Variants in LRRTM4 observed in about 807,000 individuals in gnomAD.
LRRTM4 encodes leucine rich repeat transmembrane neuronal 4, also known as leucine-rich repeat transmembrane neuronal protein 4.
LRRTM4 carries 25 observed loss-of-function variants against 47.6 expected under a neutral mutation model. That is an observed-to-expected ratio of 0.53 (90% confidence interval 0.38 to 0.73). The LOEUF is 0.73. Ranked by LOEUF, LRRTM4 falls within the 30% of genes least tolerant of loss-of-function variation. The pLI, the probability that LRRTM4 is intolerant of heterozygous loss-of-function variation, is 0.00. For missense variants in LRRTM4, 638 were observed against 713.4 expected, an observed-to-expected ratio of 0.89 and a Z score of 1.20; for synonymous variants, 311 against 269.5, an observed-to-expected ratio of 1.15 and a Z score of -1.51.
intron 3 of LRRTM4, among the ~76,000 whole-genome samples, chr2:77,348,788 C>CAA (rs894559241): frequency 1.2e-5 from 1 of 82,250 alleles, no homozygotes; most frequent in South Asian, 4.1e-4. Context: ...AACATTAATA[C>CAA]AAAATATATA....
intron 3 of LRRTM4, among the ~76,000 whole-genome samples, chr2:76,938,269 A>C (rs1488615922): frequency 6.6e-6 from 1 of 152,170 alleles, no homozygotes; most frequent in Non-Finnish European, 1.5e-5. Flanking sequence ...AAAATGCATC[A>C]TTTGGTCCTA....
intron 3 of LRRTM4, among the ~76,000 whole-genome samples, chr2:77,334,528 T>C (rs1036080730): frequency 6.6e-5 from 10 of 152,314 alleles, no homozygotes; most frequent in African/African-American, 2.4e-4. Context: ...GCTCTCTCTT[T>C]GCCTGCTGCC....
chr2:77,085,727 T>C (rs868105423), intron 3 of LRRTM4, among the ~76,000 whole-genome samples: 3 of 152,214 alleles, frequency 2.0e-5, no homozygotes, highest in Admixed American at 6.5e-5. Context: ...TGGTGTCATA[T>C]TCTATGTCTC....
At chr2:76,809,956 C>A (rs1384468343) in intron 3 of LRRTM4, among the ~76,000 whole-genome samples, 1 of 152,154 alleles carries the variant, frequency 6.6e-6, no homozygotes, top group Non-Finnish European at 1.5e-5. Context: ...CCTGCCCTGA[C>A]CAACCTATAA....
intron 3 of LRRTM4, among the ~76,000 whole-genome samples, chr2:76,868,768 AC>A (rs775085168): frequency 2.0e-5 from 3 of 152,148 alleles, no homozygotes; most frequent in Non-Finnish European, 4.4e-5. Context: ...ACTGAGTCAG[AC>A]CCAGATGAAA....
chr2:77,231,877 C>T (rs979315172), intron 3 of LRRTM4, among the ~76,000 whole-genome samples: 1 of 152,090 alleles, frequency 6.6e-6, no homozygotes, highest in Non-Finnish European at 1.5e-5. Flanking sequence ...TTAGATCCAC[C>T]CAGGATGAAA....
Position 77,296,022 on chromosome 2 carries a change from G to A in LRRTM4, c.1551+222296C>T, listed in dbSNP as rs188354356. Among the ~76,000 whole-genome samples the A allele has an allele frequency of 3.8e-3, 571 of 152,142 alleles. 4 individuals carry two copies. Among genetic ancestry groups the A allele is most frequent in the African/African-American group, 0.013 (529 of 41,502 alleles). The stretch of plus-strand genomic sequence containing the variant: ...CTCTTATTGTTTTACAAATTCTACA[G>A]CAAATATCTGAGTAGTTAATTCTTC... On this transcript the variant is annotated intron_variant, in intron 3 of 3. Coordinates refer to ENST00000409884, the MANE Select transcript of LRRTM4 (RefSeq NM_001134745.3).
At chr2:77,142,266 A>T (rs1672144220) in intron 3 of LRRTM4, among the ~76,000 whole-genome samples, 2 of 152,188 alleles carry the variant, frequency 1.3e-5, no homozygotes, top group South Asian at 4.1e-4. Context: ...AAGATTTTGG[A>T]AGATTTTTTA....
intron 3 of LRRTM4, among the ~76,000 whole-genome samples, chr2:76,836,383 C>A (rs2103914728): frequency 6.6e-6 from 1 of 151,942 alleles, no homozygotes; most frequent in East Asian, 1.9e-4. Flanking sequence ...TATCTTTCTT[C>A]TTTCTTGTTT....
At chr2:77,279,784 T>C (rs1041826892) in intron 3 of LRRTM4, among the ~76,000 whole-genome samples, 2 of 151,948 alleles carry the variant, frequency 1.3e-5, no homozygotes, top group African/African-American at 4.8e-5. Flanking sequence ...ATGAAGTTGG[T>C]TGAATATTAT....
chr2:77,453,244 C>T (rs1275925777), intron 3 of LRRTM4, among the ~76,000 whole-genome samples: 8 of 136,268 alleles, frequency 5.9e-5, no homozygotes, highest in East Asian at 4.3e-4. Context: ...TGCAGTGGAG[C>T]GATCTCTGTT....
chr2:77,339,803 G>A (rs1425487390), intron 3 of LRRTM4, among the ~76,000 whole-genome samples: 1 of 151,866 alleles, frequency 6.6e-6, no homozygotes, highest in Non-Finnish European at 1.5e-5. Flanking sequence ...GGGGAAAAAG[G>A]GGCTCACTCT....
rs973798429 is a variant in LRRTM4 at position 76,916,678 on chromosome 2, C to G, written c.1552-167762G>C. Among the ~76,000 whole-genome samples the G allele has an allele frequency of 3.9e-5, 6 of 152,124 alleles. No individual in the cohort carries two copies. In the East Asian group the frequency reaches 1.2e-3, roughly 29 times the overall value. On this transcript the variant is annotated intron_variant, in intron 3 of 3. Coordinates refer to ENST00000409884, the MANE Select transcript of LRRTM4 (RefSeq NM_001134745.3). ...ACAAACCAATGCAAGTTAAAAGTGA[C>G]TGTGTCCTTACTAATTTCAAAGCCA...
At chr2:77,400,087 C>T (rs1160506409) in intron 3 of LRRTM4, among the ~76,000 whole-genome samples, 3 of 151,810 alleles carry the variant, frequency 2.0e-5, no homozygotes, top group Non-Finnish European at 4.4e-5. Context: ...TCTCTGGAAA[C>T]CACTATTCTA....
At chr2:77,471,652 G>A (rs1327461836) in intron 3 of LRRTM4, among the ~76,000 whole-genome samples, 1 of 152,074 alleles carries the variant, frequency 6.6e-6, no homozygotes, top group African/African-American at 2.4e-5. Flanking sequence ...TGCCCTTGAT[G>A]TTCTTTGCCT....
chr2:77,241,775 C>A (rs894109343), intron 3 of LRRTM4, among the ~76,000 whole-genome samples: 7 of 152,060 alleles, frequency 4.6e-5, no homozygotes, highest in African/African-American at 1.7e-4. Flanking sequence ...CCTATATTTT[C>A]TTCTAAGACT....
At chr2:77,344,053 A>C (rs989394099) in intron 3 of LRRTM4, among the ~76,000 whole-genome samples, 1 of 151,908 alleles carries the variant, frequency 6.6e-6, no homozygotes, top group Non-Finnish European at 1.5e-5. Context: ...AAAAGCTGTG[A>C]AATTCTGGCC....
At chr2:77,003,003 T>G (rs188849588) in intron 3 of LRRTM4, among the ~76,000 whole-genome samples, 1 of 145,530 alleles carries the variant, frequency 6.9e-6, no homozygotes, top group East Asian at 2.0e-4. Flanking sequence ...TCAACAGTGG[T>G]AACTTCAGTT....
intron 3 of LRRTM4, among the ~76,000 whole-genome samples, chr2:76,876,059 A>C (rs1359215468): frequency 6.6e-6 from 1 of 152,134 alleles, no homozygotes; most frequent in South Asian, 2.1e-4. Flanking sequence ...GTCTCCAAGG[A>C]ATCTGCTCTC....
Sources: gnomAD v4.1 joint callset for allele counts (sites outside exome capture counted in the v4.1 genomes callset) on GRCh38, gnomAD v4.1.1 for gene constraint, MANE v1.5 for transcripts, NCBI Gene and HGNC (gene_info 2026-07-23, HGNC 2026-07-21) for gene names.